Variants in SYNE4 observed in about 807,000 individuals in gnomAD.
The protein encoded by SYNE4 is nesprin-4.
Under a neutral mutation model 46.9 loss-of-function variants are expected in SYNE4, and 41 were observed. The ratio of observed to expected loss-of-function variants is 0.87; its 90% CI spans 0.68 to 1.13. The LOEUF (loss-of-function observed/expected upper bound fraction) is 1.13. Ranked by LOEUF, SYNE4 falls within the 50% of genes most tolerant of loss-of-function variation. SYNE4 has a pLI of 0.00. For missense variants in SYNE4, 492 were observed against 514.8 expected (o/e 0.96, Z 0.43); for synonymous variants, 221 against 219.5 (o/e 1.01, Z -0.06).
In SYNE4 at chr19:36,006,742, G is replaced by T. The variant is rs768750307; in HGVS notation, c.618+8C>A. ...GGGTTGGGTGGGGGGTATCAAGATG[G>T]GCCCTACCAGGCTGTAGCTGACCAG... On this transcript the variant is annotated splice_region_variant and intron_variant, in intron 4 of 7. Transcript: ENST00000324444. 2.5e-6 allele frequency: 4 copies of T among 1,601,344 alleles called. No individual in the cohort carries two copies. In the African/African-American group the frequency reaches 5.4e-5, roughly 22 times the overall value.
At chr19:36,005,277 T>G in intron 6 of SYNE4, 56 bp downstream of exon 6, 1 of 1,553,938 alleles carries the variant, frequency 6.4e-7, no homozygotes, top group Non-Finnish European at 8.8e-7. Context: ...TTCTTGGGTT[T>G]CTGTCACTTG....
chr19:36,005,400 T>G lies in SYNE4; in HGVS notation c.905A>C (p.Glu302Ala), dbSNP rs1362012880. Residue 302 changes from glutamate to alanine, a missense_variant, in exon 6 of 8, where the codon GAG becomes GCG. Physicochemically the swap from Glu to Ala is moderately radical, Grantham distance 107. Coordinates refer to ENST00000324444, the MANE Select transcript of SYNE4 (RefSeq NM_001039876.3). ...DTSHSRQDML[E>A]SGLGHQKRLA... is the part of the protein sequence containing the mutation. Reference sequence around the variant, plus strand: ...GCGTTTCTGGTGGCCGAGGCCAGACTCCAGCATGTCCTGTCGGGAGTGAGA... The same window carrying G: ...GCGTTTCTGGTGGCCGAGGCCAGACGCCAGCATGTCCTGTCGGGAGTGAGA... 1 of 1,613,988 alleles carries G rather than the reference T, an allele frequency of 6.2e-7. No homozygotes were observed. The highest frequency in any genetic ancestry group is 1.3e-5 in the African/African-American group (1 of 74,994).
intron 2 of SYNE4, 99 bp downstream of exon 2, chr19:36,008,118 T>C: frequency 6.9e-7 from 1 of 1,441,342 alleles, no homozygotes; most frequent in South Asian, 1.5e-5. Context: ...ACCCAACACC[T>C]TTCCAGAATC....
chr19:36,004,762 G>T (rs1976788527), intron 6 of SYNE4, among the ~76,000 whole-genome samples: 1 of 152,158 alleles, frequency 6.6e-6, no homozygotes, highest in African/African-American at 2.4e-5. Context: ...AGTGGGAGTG[G>T]CAGTGTAGCC....
chr19:36,004,221 C>T (rs1976774594), intron 6 of SYNE4, among the ~76,000 whole-genome samples: 2 of 152,200 alleles, frequency 1.3e-5, no homozygotes, highest in African/African-American at 4.8e-5. Context: ...GCAGGTCTCA[C>T]CATGTTGCTC....
chr19:36,006,424 T>C lies in SYNE4; in HGVS notation c.866A>G (p.Glu289Gly). ...TCCCTCAAGGGGGTCTGCTCTCACC[T>C]CAAGGCCTTGTCCCCTGCCCTGGGG... is the stretch of plus-strand genomic sequence containing the variant. Reference protein sequence around the residue: ...RGPQGRGQGLEEADTSHSRQD... With the variant: ...RGPQGRGQGLGEADTSHSRQD... The change falls in exon 5 of 8, where the codon GAG becomes GGG. Residue 289 changes from glutamate to glycine, a missense_variant and splice_region_variant. Coordinates refer to ENST00000324444, the MANE Select transcript of SYNE4 (RefSeq NM_001039876.3). 3 of 1,607,706 alleles carry C rather than the reference T, an allele frequency of 1.9e-6. No individual in the cohort carries two copies. Among genetic ancestry groups the C allele is most frequent in the Non-Finnish European group, 2.5e-6 (3 of 1,177,462 alleles).
chr19:36,005,221 TAC>T, intron 6 of SYNE4, 110 bp downstream of exon 6: 1 of 1,157,730 alleles, frequency 8.6e-7, no homozygotes, highest in Admixed American at 2.3e-5. Context: ...ACCTTTCCAT[TAC>T]TTTTTTTTTT....
intron 5 of SYNE4, chr19:36,005,901 C>G (rs8112690): frequency 0.063 from 9,938 of 158,152 alleles, 671 homozygotes; most frequent in African/African-American, 0.17. Context: ...CACCTGTAAT[C>G]CCAGCTACTC....
Position 36,008,235 on chromosome 19 carries a change from A to C in SYNE4, c.261T>G (p.Ala87=), listed in dbSNP as rs763343497. The C allele has an allele frequency of 2.5e-6, 4 of 1,610,876 alleles. No homozygotes were observed. The African/African-American group carries it at 5.4e-5, about 22-fold the overall frequency. Residue 87 remains alanine (A), a synonymous_variant, in exon 2 of 8, where the codon GCT becomes GCG. Transcript: ENST00000324444. ...AGCTCACCTCACAGTGTTTGCCCCC[A>C]GCTGGGTCCTCGTAGGAAGAGGGTG... ...WSTPSSYEDP[A]GGKHCEHPIS... is the part of the protein sequence containing the mutation.
intron 2 of SYNE4, 52 bp downstream of exon 2, chr19:36,008,165 G>C: frequency 6.4e-7 from 1 of 1,561,454 alleles, no homozygotes; most frequent in Non-Finnish European, 8.7e-7. Context: ...AGACTCCAGG[G>C]GACAGAGAGG....
At chr19:36,005,076 C>G (rs1159685317) in intron 6 of SYNE4, among the ~76,000 whole-genome samples, 2 of 151,812 alleles carry the variant, frequency 1.3e-5, no homozygotes, top group Admixed American at 6.6e-5. Context: ...CCATTTTGGC[C>G]AGGCTGGTCT....
rs1293619185 is a variant in SYNE4 at position 36,006,586 on chromosome 19, G to T, written c.704C>A (p.Pro235His). 3 of 1,607,156 alleles carry T rather than the reference G, an allele frequency of 1.9e-6. No homozygotes were observed. The highest frequency in any genetic ancestry group is 2.5e-6 in the Non-Finnish European group (3 of 1,177,012). Residue 235 changes from proline to histidine, a missense_variant, in exon 5 of 8, where the codon CCC (proline) becomes CAC (histidine). Transcript: ENST00000324444. Reference sequence around the variant, plus strand: ...AGTGGGGAGGCTACTGGGTGCCCAGGGCCCCCAGACCCCACCAGGTCCTGG... The same window carrying T: ...AGTGGGGAGGCTACTGGGTGCCCAGTGCCCCCAGACCCCACCAGGTCCTGG... The part of the protein sequence containing the change: ...DWPGPGGVWG[P>H]WAPSSLPTST...
In SYNE4 at chr19:36,005,719, AAATT is replaced by A. The variant is rs1175402999; in HGVS notation, c.868-286_868-283del. 3.3e-4 allele frequency: 117 copies of A among 355,674 alleles called. No homozygotes were observed. In the Middle Eastern group the frequency reaches 4.5e-3, roughly 14 times the overall value. The allele number at this position is 355,674 out of a possible 1,614,324, so 22.0% of individuals were successfully genotyped here. A position where few individuals can be genotyped will look rare whatever the true frequency, so the allele number is the denominator to read the frequency against. ...TTATATTTGACAGGAGAGAGACCAT[AAATT>A]AATAAGTAAATGAGGCCTGGTACAG... On this transcript the variant is annotated intron_variant, in intron 5 of 7. Transcript: ENST00000324444.
Position 36,003,466 on chromosome 19 carries a change from G to A in SYNE4, c.1086C>T (p.Leu362=). 1.2e-6 allele frequency: 2 copies of A among 1,611,498 alleles called. No homozygotes were observed. The highest frequency in any genetic ancestry group is 1.7e-5 in the Admixed American group (1 of 59,354). The change falls in exon 8 of 8, where the codon CTC becomes CTT. Residue 362 remains leucine (L), a synonymous_variant. Transcript: ENST00000324444. ...QPLTFLLILF[L]LFLLLVGAMF... is the part of the protein sequence containing the mutation. The stretch of plus-strand genomic sequence containing the variant: ...TGGCACCCACCAGGAGGAGGAAGAG[G>A]AGGAAGAGGATAAGGAGGAAGGTCA...
chr19:36,006,622 T>C lies in SYNE4; in HGVS notation c.668A>G (p.Asp223Gly). ...TLDQDLEVEG[D>G]SDWPGPGGVW... Reference sequence around the variant, plus strand: ...CCCACCAGGTCCTGGCCAGTCCGAGTCTCCCTCGACCTCCAAGTCCTGGTC... The same window carrying C: ...CCCACCAGGTCCTGGCCAGTCCGAGCCTCCCTCGACCTCCAAGTCCTGGTC... The change falls in exon 5 of 8, where the codon GAC becomes GGC. Residue 223 changes from aspartate (D) to glycine (G), a missense_variant. Transcript: ENST00000324444. 6.2e-7 allele frequency: 1 copy of C among 1,610,208 alleles called. No homozygotes were observed. The highest frequency in any genetic ancestry group is 8.5e-7 in the Non-Finnish European group (1 of 1,178,182).
chr19:36,005,675 T>C (rs1976824838), intron 5 of SYNE4: 2 of 481,288 alleles, frequency 4.2e-6, no homozygotes, highest in Non-Finnish European at 7.5e-6. Flanking sequence ...AATAGGCAAA[T>C]TCCTGGCCTC....
chr19:36,008,125 A>G (rs1968440559), intron 2 of SYNE4, 92 bp downstream of exon 2: 1 of 1,451,600 alleles, frequency 6.9e-7, no homozygotes, highest in Non-Finnish European at 9.1e-7. Flanking sequence ...ACCTTTCCAG[A>G]ATCATCACCC....
In SYNE4 at chr19:36,007,513, T is replaced by C. The variant is rs2073893; in HGVS notation, c.280-245A>G. 342,057 of 984,936 alleles carry C rather than the reference T, an allele frequency of 0.35. 62,691 individuals are homozygous for C. The highest frequency in any genetic ancestry group is 0.65 in the African/African-American group (37,188 of 57,192). The allele number at this position is 984,936 out of a possible 1,614,324, so 61.0% of individuals were successfully genotyped here. ...CCTGGAAACTTGGATGTGTGAGGCCTGGGGGGTCTGGACAGGGAGCGGGGC... is the reference window on the plus strand; with the variant it reads ...CCTGGAAACTTGGATGTGTGAGGCCCGGGGGGTCTGGACAGGGAGCGGGGC... On this transcript the variant is annotated intron_variant, in intron 2 of 7. Transcript: ENST00000324444.
At position 36,008,297 on chromosome 19, in the gene SYNE4, C is replaced by G; in HGVS notation, c.199G>C (p.Gly67Arg). The change falls in exon 2 of 8, where the codon GGC (glycine) becomes CGC (arginine). Residue 67 changes from glycine to arginine, a missense_variant. By Grantham distance (125) the Gly-to-Arg change is moderately radical (BLOSUM62 -2). Transcript: ENST00000324444. Reference protein sequence around the residue: ...PPEHFQGGPRGNEPAAHPPRW... With the variant: ...PPEHFQGGPRRNEPAAHPPRW... ...GGGGGGTGAGCGGCAGGCTCATTGC[C>G]CCTTGGCCCACCCTGGAAGTGCTCA... 1 of 1,592,710 alleles carries G rather than the reference C, an allele frequency of 6.3e-7. No individual in the cohort carries two copies. The highest frequency in any genetic ancestry group is 1.7e-4 in the Middle Eastern group (1 of 5,782).
Sources: gnomAD v4.1 joint callset for allele counts (sites outside exome capture counted in the v4.1 genomes callset) on GRCh38, gnomAD v4.1.1 for gene constraint, MANE v1.5 for transcripts, NCBI Gene and HGNC (gene_info 2026-07-23, HGNC 2026-07-21) for gene names.